PCYT1B: variants seen among roughly 807,000 people sequenced by gnomAD.
The protein encoded by PCYT1B is choline-phosphate cytidylyltransferase B.
Under a neutral mutation model 26.4 loss-of-function variants are expected in PCYT1B, and 10 were observed. That is an observed-to-expected ratio of 0.38 (90% CI 0.23 to 0.64). The LOEUF (loss-of-function observed/expected upper bound fraction) is 0.64. Among genes scored for constraint, PCYT1B ranks in the 30% least tolerant of loss-of-function variants. The pLI is 0.56. For synonymous variants in PCYT1B, 131 were observed against 108.4 expected (o/e 1.21, Z -1.29); for missense variants, 161 against 292.7 (o/e 0.55, Z 3.28).
intron 1 of PCYT1B, among the ~76,000 whole-genome samples, chrX:24,622,845 A>G (rs1925740363): frequency 1.8e-5 from 2 of 111,835 alleles, no homozygotes; most frequent in African/African-American, 6.5e-5. Context: ...AAAACCTCGA[A>G]AAGGGGATAC....
upstream of PCYT1B, chrX:24,649,995 TG>T (rs1434783564): frequency 8.9e-6 from 1 of 112,326 alleles, no homozygotes; most frequent in Non-Finnish European, 1.9e-5. Flanking sequence ...CCCACAGTCC[TG>T]TGATTGAATC....
chrX:24,564,508 C>T (rs1447111833), intron 7 of PCYT1B, among the ~76,000 whole-genome samples: 3 of 109,587 alleles, frequency 2.7e-5, no homozygotes, highest in South Asian at 8.0e-4. Context: ...GCCCGCCACC[C>T]GGCCTGGCTA....
At chrX:24,656,581 G>C (rs1221078532) in intron 1 of PCYT1B, among the ~76,000 whole-genome samples, 1 of 60,440 alleles carries the variant, frequency 1.7e-5, no homozygotes, top group African/African-American at 6.5e-5. Flanking sequence ...TTTTGAGACA[G>C]AGTCTTGCTC....
chrX:24,567,538 A>G (rs1184158668), intron 7 of PCYT1B, among the ~76,000 whole-genome samples: 1 of 112,435 alleles, frequency 8.9e-6, no homozygotes, highest in Non-Finnish European at 1.9e-5. Flanking sequence ...TCAGTCTCTC[A>G]CTGTATTAAG....
At chrX:24,624,125 A>G (rs1320787896) in intron 1 of PCYT1B, among the ~76,000 whole-genome samples, 2 of 109,649 alleles carry the variant, frequency 1.8e-5, no homozygotes, top group Non-Finnish European at 1.9e-5. Flanking sequence ...GCCCGCCACC[A>G]CACCCGGCTA....
At chrX:24,643,496 T>C (rs1454918819) in intron 1 of PCYT1B, among the ~76,000 whole-genome samples, 2 of 112,176 alleles carry the variant, frequency 1.8e-5, no homozygotes, top group Non-Finnish European at 3.8e-5. Context: ...GTAAGAGTAG[T>C]AAGATTATAT....
intron 1 of PCYT1B, among the ~76,000 whole-genome samples, chrX:24,638,979 G>A (rs895291052): frequency 1.8e-5 from 2 of 112,896 alleles, no homozygotes; most frequent in Non-Finnish European, 3.7e-5. Context: ...AGCATCTGAA[G>A]AATAAAACAG....
At chrX:24,645,231 C>G (rs1926585762) in intron 1 of PCYT1B, among the ~76,000 whole-genome samples, 1 of 111,445 alleles carries the variant, frequency 9.0e-6, no homozygotes, top group Admixed American at 9.6e-5. Context: ...TGGATGCCGC[C>G]TTTCTCTCCT....
At chrX:24,580,449 G>A (rs1419853932) in intron 5 of PCYT1B, among the ~76,000 whole-genome samples, 1 of 112,021 alleles carries the variant, frequency 8.9e-6, no homozygotes, top group Non-Finnish European at 1.9e-5. Context: ...TGATCTAAAG[G>A]CATGCCTGTA....
chrX:24,588,652 T>C (rs1355657010), intron 4 of PCYT1B, among the ~76,000 whole-genome samples: 1 of 111,693 alleles, frequency 9.0e-6, no homozygotes, highest in African/African-American at 3.3e-5. Context: ...AGCTCAGTAC[T>C]AGTGACATTC....
rs1346846050 is a variant in PCYT1B, at chrX:24,558,821, A to C, written c.*3472T>G. ...GTTCAGTGTGACTTATGGCACAGCA[A>C]TCCCACCCTTGTTTCTTAGCTGGTG... is the stretch of plus-strand genomic sequence containing the variant. On this transcript the variant is annotated 3_prime_UTR_variant, in exon 8 of 8. Transcript: ENST00000379144. 1 of 110,029 alleles carries C rather than the reference A, an allele frequency of 9.1e-6. No homozygotes were observed. The highest frequency in any genetic ancestry group is 3.3e-5 in the African/African-American group (1 of 30,234). 9.1% of individuals were successfully genotyped at this position (110,029 alleles called of 1,213,427 possible).
chrX:24,607,975 T>C (rs191871932), intron 2 of PCYT1B, 114 bp from the exon 3 acceptor site: 3 of 441,185 alleles, frequency 6.8e-6, no homozygotes, highest in African/African-American at 4.9e-5. Context: ...TACCATCAGT[T>C]TCATATCAGT....
intron 7 of PCYT1B, among the ~76,000 whole-genome samples, chrX:24,568,933 C>T: frequency 9.1e-6 from 1 of 110,492 alleles, no homozygotes; most frequent in East Asian, 2.8e-4. Flanking sequence ...AATCCCATCT[C>T]TACTAAAAAT....
upstream of PCYT1B, among the ~76,000 whole-genome samples, chrX:24,650,460 C>T (rs766461643): frequency 7.3e-5 from 8 of 109,615 alleles, no homozygotes; most frequent in Non-Finnish European, 1.5e-4. Context: ...TCTGGGACCA[C>T]AGGTGTATGC....
intron 1 of PCYT1B, among the ~76,000 whole-genome samples, chrX:24,644,877 T>C (rs1420491818): frequency 2.7e-5 from 3 of 111,551 alleles, no homozygotes; most frequent in Non-Finnish European, 5.7e-5. Context: ...CTGGCCAACA[T>C]GGCAAAACCC....
rs752293225 is a variant in PCYT1B, at chrX:24,562,361, G to C, written c.1042C>G (p.Pro348Ala). 1.7e-6 allele frequency: 2 copies of C among 1,177,339 alleles called. No homozygotes were observed. Among genetic ancestry groups the C allele is most frequent in the Admixed American group, 4.8e-5 (2 of 41,410 alleles). ...FSWLPLKTSP[P>A]SSPKAASASI... ...GCTGAGGCTGCTTTGGGTGAGGAAG[G>C]GGGTGAGGTTTTGAGTGGAAGCCAT... is the stretch of plus-strand genomic sequence containing the variant. Residue 348 changes from proline (P) to alanine (A), a missense_variant, in exon 8 of 8, where the codon CCT (proline) becomes GCT (alanine). Physicochemically the swap from Pro to Ala is conservative, Grantham distance 27. This residue lies in a region of PCYT1B where 38 missense variants were observed against 55.9 expected (regional missense o/e 0.68). Transcript: ENST00000379144.
chrX:24,565,085 C>T (rs1923578976), intron 7 of PCYT1B, among the ~76,000 whole-genome samples: 1 of 110,100 alleles, frequency 9.1e-6, no homozygotes, highest in African/African-American at 3.3e-5. Context: ...GAATTGAGCC[C>T]TTCCCTGAAG....
chrX:24,601,221 G>A (rs1164875976), intron 3 of PCYT1B, among the ~76,000 whole-genome samples: 1 of 112,100 alleles, frequency 8.9e-6, no homozygotes, highest in Non-Finnish European at 1.9e-5. Context: ...GGCCGGGCAC[G>A]ATGGCTCACG....
intron 3 of PCYT1B, among the ~76,000 whole-genome samples, chrX:24,605,945 T>C (rs1418886463): frequency 1.9e-5 from 2 of 107,277 alleles, no homozygotes; most frequent in Admixed American, 2.0e-4. Context: ...TCCCAGCTAC[T>C]TGGGAGGCTG....
Sources: gnomAD v4.1 joint callset for allele counts (sites outside exome capture counted in the v4.1 genomes callset) on GRCh38, gnomAD v4.1.1 for gene constraint, gnomAD v4.1.1 regional missense constraint, MANE v1.5 for transcripts, NCBI Gene and HGNC (gene_info 2026-07-23, HGNC 2026-07-21) for gene names.